Variants in SETD1A observed in about 807,000 individuals in gnomAD.
SETD1A encodes the protein histone-lysine N-methyltransferase SETD1A.
A neutral mutation model predicts 149.9 loss-of-function variants in SETD1A; 29 were observed. The ratio of observed to expected loss-of-function variants is 0.19; its 90% CI spans 0.14 to 0.26. SETD1A has a LOEUF of 0.26. Among genes scored for constraint, SETD1A ranks in the 10% least tolerant of loss-of-function variants. The pLI is 1.00. For synonymous variants in SETD1A, 1,141 were observed against 968.5 expected (o/e 1.18, Z -3.31); for missense variants, 2,109 against 2,353.1 (o/e 0.90, Z 2.15).
chr16:30,983,882 G>A lies in SETD1A; in HGVS notation c.4983G>A (p.Glu1661=), dbSNP rs766086848. 1.4e-4 allele frequency: 220 copies of A among 1,611,800 alleles called. No individual in the cohort carries two copies. In the Middle Eastern group the frequency reaches 2.3e-3, roughly 17 times the overall value. Residue 1661 remains glutamate (E), a synonymous_variant, in exon 19 of 19, where the codon GAG becomes GAA. Coordinates refer to ENST00000262519, the MANE Select transcript of SETD1A (RefSeq NM_014712.3). This position sits in a 1 kb window ranked among gnomAD's most constrained non-coding sequence, Gnocchi z 6.8. Reference sequence around the variant, plus strand: ...GCTACGCCAAGGTCATCACCATCGAGTCCCAGAAGAAGATCGTGATCTACT... The same window carrying A: ...GCTACGCCAAGGTCATCACCATCGAATCCCAGAAGAAGATCGTGATCTACT... ...PNCYAKVITI[E]SQKKIVIYSK...
Position 30,967,606 on chromosome 16 carries a change from T to G in SETD1A, c.2770+18T>G, listed in dbSNP as rs1352959405. 2 of 1,607,750 alleles carry G rather than the reference T, an allele frequency of 1.2e-6. No individual in the cohort carries two copies. Among genetic ancestry groups the G allele is most frequent in the Non-Finnish European group, 1.7e-6 (2 of 1,174,432 alleles). On this transcript the variant is annotated intron_variant, in intron 10 of 18. Transcript: ENST00000262519. ...TGAAGACGGTGAGCAGGGTCAGGCA[T>G]AAGGAGAAGGGGTGTGCTGCGTGGG...
Position 30,964,304 on chromosome 16 carries a change from G to A in SETD1A, c.850G>A (p.Asp284Asn). The change falls in exon 6 of 19, where the codon GAC becomes AAC. Residue 284 changes from aspartate (D) to asparagine (N), a missense_variant. Asp to Asn is a conservative substitution (Grantham distance 23, BLOSUM62 1). Around this residue, in one of 8 missense-constraint regions of SETD1A, gnomAD observed 410 missense variants for 394.8 expected, o/e 1.04. Transcript: ENST00000262519. The part of the protein sequence containing the change: ...TSRGSTPYSQ[D>N]SAYSSSTTST... ...TCGGGGCAGCACCCCCTACTCTCAG[G>A]ACTCTGCCTACTCCAGCAGGTACAG... 1 of 1,613,668 alleles carries A rather than the reference G, an allele frequency of 6.2e-7. No individual in the cohort carries two copies. The highest frequency in any genetic ancestry group is 1.3e-5 in the African/African-American group (1 of 75,020).
rs758846433 is a variant in SETD1A at position 30,963,419 on chromosome 16, T to C, written c.518-14T>C. On this transcript the variant is annotated splice_polypyrimidine_tract_variant and intron_variant, in intron 4 of 18. Transcript: ENST00000262519. The stretch of plus-strand genomic sequence containing the variant: ...TCTCCATCTGACAATTGGTTCCCAT[T>C]TCCCTCCCTCCAGGACAACAACGAA... The C allele has an allele frequency of 1.9e-6, 3 of 1,586,678 alleles. No homozygotes were observed. Among genetic ancestry groups the C allele is most frequent in the African/African-American group, 1.4e-5 (1 of 73,464 alleles).
intron 17 of SETD1A, 25 bp downstream of exon 17, chr16:30,981,205 C>T: frequency 6.2e-7 from 1 of 1,612,938 alleles, no homozygotes; most frequent in Non-Finnish European, 8.5e-7. Context: ...CCAGCCCCGC[C>T]CCGGCTTCTG....
chr16:30,980,627 G>C lies in SETD1A; in HGVS notation c.4551G>C (p.Ser1517=). 6.2e-7 allele frequency: 1 copy of C among 1,613,612 alleles called. No homozygotes were observed. The highest frequency in any genetic ancestry group is 8.5e-7 in the Non-Finnish European group (1 of 1,179,998). ...AGTACCTGGACGTGTGCCCAGTCTC[G>C]GCCCGGCAGCTGGAGGGCGTGGACA... The part of the protein sequence containing the change: ...KDKYLDVCPV[S]ARQLEGVDTQ... Residue 1517 remains serine (S), a synonymous_variant, in exon 15 of 19, where the codon TCG becomes TCC. Transcript: ENST00000262519. This position sits in a 1 kb window ranked among gnomAD's most constrained non-coding sequence, Gnocchi z 7.7.
rs568902425 is a variant in SETD1A, at chr16:30,980,410, G to A, written c.4409-75G>A. The A allele has an allele frequency of 2.0e-4, 304 of 1,534,418 alleles. No individual in the cohort carries two copies. The highest frequency in any genetic ancestry group is 1.8e-3 in the Middle Eastern group (10 of 5,434). On this transcript the variant is annotated intron_variant, in intron 14 of 18. Transcript: ENST00000262519. This position sits in a 1 kb window ranked among gnomAD's most constrained non-coding sequence, Gnocchi z 7.7. ...CCCTCACCTGGGTATGCTCAGCGGCGTGGGCCCCGCCCTCTCCTTTGGCTG... is the reference window on the plus strand; with the variant it reads ...CCCTCACCTGGGTATGCTCAGCGGCATGGGCCCCGCCCTCTCCTTTGGCTG...
chr16:30,980,841 C>A lies in SETD1A; in HGVS notation c.4684C>A (p.Gln1562Lys). 6.2e-7 allele frequency: 1 copy of A among 1,603,632 alleles called. No individual in the cohort carries two copies. The highest frequency in any genetic ancestry group is 1.1e-5 in the South Asian group (1 of 90,850). The stretch of plus-strand genomic sequence containing the variant: ...GGACAGTGACCTGCTGAAACTCAAC[C>A]AGCTCAAGGTGAGGCTGGGCTGCAG... ...IMDSDLLKLN[Q>K]LKFRKKKLRF... The change falls in exon 16 of 19, where the codon CAG becomes AAG. Residue 1562 changes from glutamine to lysine, a missense_variant. Physicochemically the swap from Gln to Lys is moderately conservative, Grantham distance 53. Transcript: ENST00000262519. This position sits in a 1 kb window ranked among gnomAD's most constrained non-coding sequence, Gnocchi z 7.7.
Position 30,980,385 on chromosome 16 carries a change from C to A in SETD1A, c.4409-100C>A. 1 of 1,484,070 alleles carries A rather than the reference C, an allele frequency of 6.7e-7. No homozygotes were observed. The highest frequency in any genetic ancestry group is 9.1e-7 in the Non-Finnish European group (1 of 1,099,496). 91.9% of individuals were successfully genotyped at this position (1,484,070 alleles called of 1,614,324 possible). On this transcript the variant is annotated intron_variant, in intron 14 of 18. Coordinates refer to ENST00000262519, the MANE Select transcript of SETD1A (RefSeq NM_014712.3). The surrounding 1 kb of genome is among the most constrained non-coding windows in gnomAD (Gnocchi z 7.7). The stretch of plus-strand genomic sequence containing the variant: ...ATGGGGCTGGGGCTTCCTCCCCTGT[C>A]CCTCACCTGGGTATGCTCAGCGGCG...
rs1212316860 is a variant in SETD1A at position 30,964,843 on chromosome 16, A to G, written c.1101A>G (p.Pro367=). The change falls in exon 7 of 19, where the codon CCA becomes CCG. Residue 367 remains proline (P), a synonymous_variant. Transcript: ENST00000262519. ...TTCGTAGTTCTGATGCAAACTACCC[A>G]GCGTATTATGAAAGCTGGAATCGCT... is the stretch of plus-strand genomic sequence containing the variant. The part of the protein sequence containing the change: ...SQFRSSDANY[P]AYYESWNRYQ... 18 of 1,614,042 alleles carry G rather than the reference A, an allele frequency of 1.1e-5. No homozygotes were observed. The highest frequency in any genetic ancestry group is 6.7e-5 in the Admixed American group (4 of 60,008).
rs908719273 is a variant in SETD1A at position 30,963,316 on chromosome 16, T to G, written c.518-117T>G. 3 of 1,010,862 alleles carry G rather than the reference T, an allele frequency of 3.0e-6. No individual in the cohort carries two copies. The African/African-American group carries it at 5.0e-5, about 17-fold the overall frequency. The allele number at this position is 1,010,862 out of a possible 1,614,324, so 62.6% of individuals were successfully genotyped here. A position where few individuals can be genotyped will look rare whatever the true frequency, so the allele number is the denominator to read the frequency against. On this transcript the variant is annotated intron_variant, in intron 4 of 18. Transcript: ENST00000262519. ...AGTTATGGTAGGAGAACTGAAATCC[T>G]GAAACCCAGATTCCAAGAAATTGTA...
Position 30,979,892 on chromosome 16 carries a change from GGGAGGAAGAGGA to G in SETD1A, c.4113_4124del (p.Glu1372_Glu1375del). On this transcript the variant is annotated inframe_deletion, in exon 14 of 19. Coordinates refer to ENST00000262519, the MANE Select transcript of SETD1A (RefSeq NM_014712.3). ...GGCGAAGAGGAGGGGGAGGAAGAGGGGGAGGAAGAGGAGGAGGAGTCCTCTGACAGCAGCAGC... is the reference window on the plus strand; with the variant it reads ...GGCGAAGAGGAGGGGGAGGAAGAGGGGGAGGAGTCCTCTGACAGCAGCAGC... The G allele has an allele frequency of 2.6e-6, 4 of 1,534,356 alleles. No homozygotes were observed. The highest frequency in any genetic ancestry group is 2.4e-5 in the East Asian group (1 of 40,938).
chr16:30,976,225 C>T (rs1424360788), intron 13 of SETD1A, among the ~76,000 whole-genome samples: 1 of 152,026 alleles, frequency 6.6e-6, no homozygotes, highest in Non-Finnish European at 1.5e-5. Context: ...TGGCTAACAA[C>T]AACAACAAAA....
intron 3 of SETD1A, among the ~76,000 whole-genome samples, chr16:30,959,874 G>C (rs1187631020): frequency 6.6e-6 from 1 of 151,576 alleles, no homozygotes; most frequent in Non-Finnish European, 1.5e-5. Context: ...CTCTAGGCTT[G>C]TATGCCTGGT....
intron 5 of SETD1A, 96 bp from the exon 6 acceptor site, chr16:30,963,998 A>T (rs888179487): frequency 1.8e-5 from 19 of 1,046,126 alleles, no homozygotes; most frequent in Admixed American, 8.7e-5. Context: ...TCTCAAAAAA[A>T]AAAAAAGGGA....
chr16:30,982,847 C>T lies in SETD1A; in HGVS notation c.4813-788C>T, dbSNP rs190685378. Among the ~76,000 whole-genome samples the T allele has an allele frequency of 4.8e-4, 73 of 151,578 alleles. 2 individuals are homozygous for T. Among genetic ancestry groups the T allele is most frequent in the Admixed American group, 4.3e-3 (66 of 15,246 alleles). ...CTCAGCAGTGAGAGGGTGAGGGGGACGGGAGGCCCTCTCTCGGTGCTGCTC... is the reference window on the plus strand; with the variant it reads ...CTCAGCAGTGAGAGGGTGAGGGGGATGGGAGGCCCTCTCTCGGTGCTGCTC... On this transcript the variant is annotated intron_variant, in intron 17 of 18. Coordinates refer to ENST00000262519, the MANE Select transcript of SETD1A (RefSeq NM_014712.3).
chr16:30,972,107 A>G (rs1258612656), intron 13 of SETD1A, among the ~76,000 whole-genome samples: 1 of 152,240 alleles, frequency 6.6e-6, no homozygotes, highest in East Asian at 1.9e-4. Flanking sequence ...AACATAACAC[A>G]GAACTTGGTC....
At chr16:30,970,740 A>G (rs1219952028) in intron 12 of SETD1A, among the ~76,000 whole-genome samples, 7 of 152,116 alleles carry the variant, frequency 4.6e-5, no homozygotes, top group African/African-American at 7.2e-5. Flanking sequence ...GTGTCCCCCC[A>G]GGCCAACACC....
chr16:30,967,623 C>T (rs546992407), intron 10 of SETD1A, 35 bp downstream of exon 10: 2 of 1,578,050 alleles, frequency 1.3e-6, no homozygotes, highest in South Asian at 1.1e-5. Context: ...AAGGGGTGTG[C>T]TGCGTGGGTT....
At chr16:30,968,810 A>T (rs1016099490) in intron 10 of SETD1A, among the ~76,000 whole-genome samples, 1 of 149,690 alleles carries the variant, frequency 6.7e-6, no homozygotes, top group Non-Finnish European at 1.5e-5. Context: ...AAAAAAAAAA[A>T]TATATATATA....
Sources: gnomAD v4.1 joint callset for allele counts (sites outside exome capture counted in the v4.1 genomes callset) on GRCh38, gnomAD v4.1.1 for gene constraint, gnomAD v4.1.1 regional missense constraint, Gnocchi (gnomAD v3.1) non-coding constraint, MANE v1.5 for transcripts, NCBI Gene and HGNC (gene_info 2026-07-23, HGNC 2026-07-21) for gene names.